The following LRP12 variants were observed in gnomAD, a reference collection of about 807,000 sequenced individuals.
LRP12 encodes the protein LDL receptor related protein 12, also known as low-density lipoprotein receptor-related protein 12.
A neutral mutation model predicts 66.0 loss-of-function variants in LRP12; 14 were observed. The observed-to-expected ratio is 0.21, with a 90% CI of 0.14 to 0.33. The LOEUF (loss-of-function observed/expected upper bound fraction) is 0.33. Ranked by LOEUF, LRP12 falls within the 10% of genes least tolerant of loss-of-function variation. LRP12 has a pLI of 1.00. For missense variants in LRP12, 889 were observed against 1,053.4 expected (o/e 0.84, Z 2.16); for synonymous variants, 357 against 359.1 (o/e 0.99, Z 0.07).
intron 2 of LRP12, among the ~76,000 whole-genome samples, chr8:104,523,988 G>A (rs1564135413): frequency 6.6e-6 from 1 of 152,110 alleles, no homozygotes; most frequent in Admixed American, 6.6e-5. Flanking sequence ...GCTCACACCT[G>A]TAATACCAGC....
intron 1 of LRP12, among the ~76,000 whole-genome samples, chr8:104,563,378 C>T (rs940754935): frequency 6.6e-6 from 1 of 152,024 alleles, no homozygotes. Flanking sequence ...AAATAAGTTG[C>T]TCAAGGACAC....
At chr8:104,525,840 G>C (rs926679593) in intron 2 of LRP12, among the ~76,000 whole-genome samples, 1 of 152,054 alleles carries the variant, frequency 6.6e-6, no homozygotes, top group Non-Finnish European at 1.5e-5. Flanking sequence ...AGGGCAATTA[G>C]GCAGGAGAAG....
intron 2 of LRP12, among the ~76,000 whole-genome samples, chr8:104,523,553 G>C (rs902656727): frequency 6.6e-6 from 1 of 152,164 alleles, no homozygotes; most frequent in African/African-American, 2.4e-5. Flanking sequence ...GCTGTGTGAT[G>C]CTAATCATCT....
At chr8:104,527,030 C>G (rs1393303394) in intron 2 of LRP12, among the ~76,000 whole-genome samples, 939 of 149,224 alleles carry the variant, frequency 6.3e-3, no homozygotes, top group African/African-American at 0.022. Context: ...AGGATATGAA[C>G]AGACACTTCT....
intron 6 of LRP12, among the ~76,000 whole-genome samples, chr8:104,494,343 T>TA (rs1810686680): frequency 6.6e-6 from 1 of 152,204 alleles, no homozygotes; most frequent in African/African-American, 2.4e-5. Context: ...AATAAGGTGA[T>TA]AGACTGTAAT....
intron 1 of LRP12, among the ~76,000 whole-genome samples, chr8:104,565,614 C>T (rs1811985899): frequency 1.3e-5 from 2 of 152,076 alleles, no homozygotes; most frequent in African/African-American, 2.4e-5. Flanking sequence ...AATCCCAGCA[C>T]TTTGGGAGGC....
intron 1 of LRP12, among the ~76,000 whole-genome samples, chr8:104,554,418 T>C (rs1415407062): frequency 6.6e-6 from 1 of 151,090 alleles, no homozygotes; most frequent in Non-Finnish European, 1.5e-5. Flanking sequence ...GATAAATAGA[T>C]AGCATAAATA....
chr8:104,548,371 A>G (rs1811661017), intron 1 of LRP12, among the ~76,000 whole-genome samples: 2 of 53,462 alleles, frequency 3.7e-5, no homozygotes, highest in South Asian at 8.4e-4. Flanking sequence ...TTATATAAAT[A>G]TATTATATAA....
Position 104,497,539 on chromosome 8 carries a change from T to A in LRP12, c.1013A>T (p.His338Leu). Residue 338 changes from histidine (H) to leucine (L), a missense_variant, in exon 5 of 7, where the codon CAT becomes CTT. His to Leu is a moderately conservative substitution (Grantham distance 99). Around this residue, in one of 3 missense-constraint regions of LRP12, gnomAD observed 800 missense variants for 964.5 expected, o/e 0.83. Coordinates refer to ENST00000276654, the MANE Select transcript of LRP12 (RefSeq NM_013437.5). This position sits in a 1 kb window ranked among gnomAD's most constrained non-coding sequence, Gnocchi z 4.3. ...LLRVLTAFDS[H>L]APLTVVSSSG... ...AGAAGAAACAACTGTAAGAGGTGCATGAGAATCAAAAGCTGTCAACACACG... is the reference window on the plus strand; with the variant it reads ...AGAAGAAACAACTGTAAGAGGTGCAAGAGAATCAAAAGCTGTCAACACACG... 1 of 1,613,956 alleles carries A rather than the reference T, an allele frequency of 6.2e-7. No individual in the cohort carries two copies. The highest frequency in any genetic ancestry group is 1.1e-5 in the South Asian group (1 of 91,014).
At chr8:104,551,718 T>C (rs921335195) in intron 1 of LRP12, among the ~76,000 whole-genome samples, 3 of 152,216 alleles carry the variant, frequency 2.0e-5, no homozygotes, top group Non-Finnish European at 2.9e-5. Context: ...TAGTATTCCA[T>C]ATACATATGT....
chr8:104,584,422 C>T (rs571593725), intron 1 of LRP12, among the ~76,000 whole-genome samples: 1 of 151,524 alleles, frequency 6.6e-6, no homozygotes, highest in Admixed American at 6.6e-5. Context: ...ATCAGAAACA[C>T]AAAAAGGCCC....
At chr8:104,588,302 G>A (rs1364393396) in intron 1 of LRP12, among the ~76,000 whole-genome samples, 4 of 139,522 alleles carry the variant, frequency 2.9e-5, no homozygotes, top group South Asian at 2.4e-4. Flanking sequence ...AGGTGGAGTG[G>A]GGAGAAGTCA....
chr8:104,502,052 T>C (rs1810835730), intron 3 of LRP12, among the ~76,000 whole-genome samples: 1 of 152,226 alleles, frequency 6.6e-6, no homozygotes, highest in Non-Finnish European at 1.5e-5. Context: ...ACATAGAAGA[T>C]ACTAATTTTT....
At chr8:104,572,472 GA>G (rs773709706) in intron 1 of LRP12, among the ~76,000 whole-genome samples, 11 of 152,046 alleles carry the variant, frequency 7.2e-5, no homozygotes, top group Non-Finnish European at 1.5e-4. Flanking sequence ...AAGAAATAGT[GA>G]AAGAAAATTA....
chr8:104,562,171 T>C (rs564240728), intron 1 of LRP12, among the ~76,000 whole-genome samples: 1 of 152,270 alleles, frequency 6.6e-6, no homozygotes, highest in African/African-American at 2.4e-5. Flanking sequence ...AGAGTTAAAA[T>C]AGGGCCCATC....
intron 2 of LRP12, among the ~76,000 whole-genome samples, chr8:104,514,312 G>A (rs574880450): frequency 1.3e-5 from 2 of 152,064 alleles, no homozygotes; most frequent in East Asian, 1.9e-4. Flanking sequence ...ACTATAACCT[G>A]TAATTTCATT....
At chr8:104,531,692 C>T (rs528179918) in intron 2 of LRP12, among the ~76,000 whole-genome samples, 4 of 151,972 alleles carry the variant, frequency 2.6e-5, no homozygotes, top group Non-Finnish European at 2.9e-5. Context: ...TTATGCAGTC[C>T]GTTTGGAAAA....
intron 2 of LRP12, among the ~76,000 whole-genome samples, chr8:104,510,673 A>T (rs1442182188): frequency 6.6e-6 from 1 of 152,198 alleles, no homozygotes; most frequent in Non-Finnish European, 1.5e-5. Context: ...GCAGATTAGA[A>T]GCAGAAAATT....
intron 5 of LRP12, 35 bp from the exon 6 acceptor site, chr8:104,495,244 G>A (rs928966395): frequency 6.3e-7 from 1 of 1,590,452 alleles, no homozygotes; most frequent in South Asian, 1.1e-5. Flanking sequence ...ATGATTAAAA[G>A]GGGGAGCGAA....
Sources: allele counts gnomAD v4.1 joint callset (sites outside exome capture counted in the v4.1 genomes callset), GRCh38; gene constraint gnomAD v4.1.1; regional missense constraint gnomAD v4.1.1; non-coding constraint Gnocchi (gnomAD v3.1); transcripts MANE v1.5; gene names NCBI Gene and HGNC (gene_info 2026-07-23, HGNC 2026-07-21).